Variants in ZNF714 observed in about 807,000 individuals in gnomAD.
ZNF714 encodes zinc finger protein 714.
ZNF714 carries 32 observed loss-of-function variants against 46.2 expected under a neutral mutation model. The observed-to-expected ratio is 0.69, with a 90% CI of 0.52 to 0.93. The LOEUF (loss-of-function observed/expected upper bound fraction) is 0.93. Among genes scored for constraint, ZNF714 ranks in the 40% least tolerant of loss-of-function variants. The pLI, the probability that ZNF714 is intolerant of heterozygous loss-of-function variation, is 0.00. For missense variants in ZNF714, 635 were observed against 646.3 expected, an observed-to-expected ratio of 0.98 and a Z score of 0.19; for synonymous variants, 199 against 213.1, an observed-to-expected ratio of 0.93 and a Z score of 0.58.
At chr19:21,104,045 C>G (rs923173301) in intron 4 of ZNF714, among the ~76,000 whole-genome samples, 1 of 151,850 alleles carries the variant, frequency 6.6e-6, no homozygotes, top group South Asian at 2.1e-4. Flanking sequence ...TGACAAACAC[C>G]GTTCCACTTT....
At chr19:21,087,128 A>G (rs955935439) in intron 2 of ZNF714, among the ~76,000 whole-genome samples, 2 of 151,250 alleles carry the variant, frequency 1.3e-5, no homozygotes, top group African/African-American at 4.9e-5. Flanking sequence ...ATTTGAGAAC[A>G]TCTGTCAAAG....
intron 4 of ZNF714, among the ~76,000 whole-genome samples, chr19:21,106,305 C>CA (rs1395967437): frequency 2.6e-5 from 4 of 151,514 alleles, no homozygotes; most frequent in African/African-American, 9.7e-5. Context: ...CACGGTGGCT[C>CA]ACGCTTGTAA....
intron 4 of ZNF714, among the ~76,000 whole-genome samples, chr19:21,103,194 A>G (rs1055437986): frequency 2.6e-5 from 4 of 151,612 alleles, no homozygotes; most frequent in African/African-American, 9.7e-5. Flanking sequence ...TTTGAAGGTA[A>G]TTTTTGAGAA....
intron 4 of ZNF714, among the ~76,000 whole-genome samples, chr19:21,106,223 C>A (rs977769884): frequency 5.3e-5 from 8 of 151,752 alleles, no homozygotes; most frequent in Non-Finnish European, 1.0e-4. Flanking sequence ...CCACTGCACT[C>A]CAGTCTGGGC....
At position 21,124,139 on chromosome 19, in the gene ZNF714, G is replaced by A. The variant is rs1372753247; in HGVS notation, c.*5807G>A. ...TTGGCTTCTCCCATGCAATGTGCTG[G>A]GTCCAAACCATGCTGTTAAATATCA... On this transcript the variant is annotated 3_prime_UTR_variant, in exon 5 of 5. Transcript: ENST00000456283. 6.6e-6 allele frequency: 1 copy of A among 152,122 alleles called. No individual in the cohort carries two copies. Among genetic ancestry groups the A allele is most frequent in the African/African-American group, 2.4e-5 (1 of 41,430 alleles). The allele number at this position is 152,122 out of a possible 1,614,324, so 9.4% of individuals were successfully genotyped here.
chr19:21,105,986 T>G (rs528269760), intron 4 of ZNF714, among the ~76,000 whole-genome samples: 1 of 150,498 alleles, frequency 6.6e-6, no homozygotes, highest in South Asian at 2.1e-4. Flanking sequence ...CGCGGTGGCA[T>G]ATGCCTGTAA....
intron 2 of ZNF714, among the ~76,000 whole-genome samples, chr19:21,088,355 C>A (rs1490218726): frequency 6.6e-6 from 1 of 152,056 alleles, no homozygotes; most frequent in African/African-American, 2.4e-5. Context: ...TATAAAATCT[C>A]TTTTCTTTAT....
chr19:21,109,965 C>T (rs554444539), intron 4 of ZNF714, among the ~76,000 whole-genome samples: 50 of 152,194 alleles, frequency 3.3e-4, no homozygotes, highest in African/African-American at 1.2e-3. Context: ...ATGGTGCATA[C>T]GTACCACGTT....
Position 21,098,205 on chromosome 19 carries a change from T to A in ZNF714, c.-64T>A. 1 of 1,612,026 alleles carries A rather than the reference T, an allele frequency of 6.2e-7. No homozygotes were observed. Among genetic ancestry groups the A allele is most frequent in the South Asian group, 1.1e-5 (1 of 90,588 alleles). On this transcript the variant is annotated 5_prime_UTR_variant, in exon 3 of 5. It removes an upstream start codon present in the reference 5' UTR. Transcript: ENST00000456283. ...TTCAGGAGACGTTGACATTTAGGGA[T>A]GTGGCCATAGAATTCTCTCTGGAGG...
rs73024685 is a variant in ZNF714, at chr19:21,124,401, C to T, written c.*6069C>T. 0.071 allele frequency among the ~76,000 whole-genome samples: 10,777 copies of T among 152,106 alleles called. 464 individuals carry two copies. The highest frequency in any genetic ancestry group is 0.086 in the Non-Finnish European group (5,854 of 67,986). On this transcript the variant is annotated 3_prime_UTR_variant, in exon 5 of 5. Coordinates refer to ENST00000456283, the MANE Select transcript of ZNF714 (RefSeq NM_182515.4). ...TGATTATGACTAAAAAATTAAATGA[C>T]AATAGTCCCCAAACTATGTATTTTC...
In ZNF714 at chr19:21,110,731, A is replaced by G. The variant is rs147729005; in HGVS notation, c.143-6076A>G. 4.6e-5 allele frequency among the ~76,000 whole-genome samples: 7 copies of G among 152,304 alleles called. No individual in the cohort carries two copies. In the East Asian group the frequency reaches 1.4e-3, roughly 29 times the overall value. Reference sequence around the variant, plus strand: ...TCTTGTAGTTTTGGGTTTCAAATTTAAGTTTTCAATTCATCTTGAGTTAAT... The same window carrying G: ...TCTTGTAGTTTTGGGTTTCAAATTTGAGTTTTCAATTCATCTTGAGTTAAT... On this transcript the variant is annotated intron_variant, in intron 4 of 4. Coordinates refer to ENST00000456283, the MANE Select transcript of ZNF714 (RefSeq NM_182515.4).
Position 21,117,063 on chromosome 19 carries a change from T to C in ZNF714, c.399T>C (p.Asn133=). The C allele has an allele frequency of 6.2e-7, 1 of 1,613,224 alleles. No individual in the cohort carries two copies. The highest frequency in any genetic ancestry group is 1.1e-5 in the South Asian group (1 of 90,904). Residue 133 remains asparagine, a synonymous_variant, in exon 5 of 5, where the codon AAT becomes AAC. Transcript: ENST00000456283. Reference sequence around the variant, plus strand: ...TCTTTCATAAAATTTTCAATTCAAATAGACACAAGACAAGACATACTGGAG... The same window carrying C: ...TCTTTCATAAAATTTTCAATTCAAACAGACACAAGACAAGACATACTGGAG... The part of the protein sequence containing the change: ...IKVFHKIFNS[N]RHKTRHTGEK...
chr19:21,114,448 A>AG (rs1477553391), intron 4 of ZNF714, among the ~76,000 whole-genome samples: 2 of 151,482 alleles, frequency 1.3e-5, no homozygotes, highest in African/African-American at 4.8e-5. Context: ...AAAAAAAAAA[A>AG]AAAGAAACTA....
intron 4 of ZNF714, among the ~76,000 whole-genome samples, chr19:21,115,971 C>CT (rs1325477037): frequency 6.6e-6 from 1 of 151,216 alleles, no homozygotes; most frequent in Non-Finnish European, 1.5e-5. Context: ...ATATATACAT[C>CT]TTTTTTATGG....
intron 4 of ZNF714, among the ~76,000 whole-genome samples, chr19:21,100,975 C>T (rs759416655): frequency 3.2e-4 from 48 of 152,096 alleles, no homozygotes; most frequent in Non-Finnish European, 6.3e-4. Context: ...CCCAAAAGTG[C>T]TGGGATTACA....
rs1969754392 is a variant in ZNF714, at chr19:21,124,127, T to C, written c.*5795T>C. The C allele has an allele frequency of 6.6e-6, 1 of 152,192 alleles. No individual in the cohort carries two copies. The highest frequency in any genetic ancestry group is 2.1e-4 in the South Asian group (1 of 4,826). The allele number at this position is 152,192 out of a possible 1,614,324, so 9.4% of individuals were successfully genotyped here. On this transcript the variant is annotated 3_prime_UTR_variant, in exon 5 of 5. Transcript: ENST00000456283. ...TCCTAAAGTACATTGGCTTCTCCCA[T>C]GCAATGTGCTGGGTCCAAACCATGC...
intron 4 of ZNF714, among the ~76,000 whole-genome samples, chr19:21,110,295 G>A (rs1165083872): frequency 2.0e-5 from 3 of 152,136 alleles, no homozygotes; most frequent in Non-Finnish European, 4.4e-5. Context: ...CATTTTGATG[G>A]CATGAAATGG....
intron 4 of ZNF714, among the ~76,000 whole-genome samples, chr19:21,114,482 T>C (rs901052930): frequency 2.0e-5 from 3 of 152,046 alleles, no homozygotes; most frequent in South Asian, 2.1e-4. Context: ...TGCTTTTTTT[T>C]CTGCTTTTAT....
intron 4 of ZNF714, among the ~76,000 whole-genome samples, chr19:21,100,436 G>A (rs879937893): frequency 5.3e-5 from 8 of 151,904 alleles, no homozygotes; most frequent in Non-Finnish European, 8.8e-5. Context: ...GGAGGCTAAG[G>A]CAGGAGAATC....
Sources: allele counts gnomAD v4.1 joint callset (sites outside exome capture counted in the v4.1 genomes callset), GRCh38; gene constraint gnomAD v4.1.1; transcripts MANE v1.5; gene names NCBI Gene and HGNC (gene_info 2026-07-23, HGNC 2026-07-21).